Variants in FRY observed in about 807,000 individuals in gnomAD.
The protein encoded by FRY is FRY microtubule binding protein, also known as protein furry homolog.
A neutral mutation model predicts 348.4 loss-of-function variants in FRY; 128 were observed. The observed-to-expected ratio is 0.37, with a 90% CI of 0.32 to 0.43. FRY has a LOEUF of 0.43. Ranked by LOEUF, FRY falls within the 20% of genes least tolerant of loss-of-function variation. FRY has a pLI of 1.00. For missense variants in FRY, 2,736 were observed against 3,695.2 expected, an observed-to-expected ratio of 0.74 and a Z score of 6.73; for synonymous variants, 1,370 against 1,374.7, an observed-to-expected ratio of 1.00 and a Z score of 0.08.
chr13:32,115,014 G>A (rs546620351), intron 3 of FRY, among the ~76,000 whole-genome samples: 2 of 152,292 alleles, frequency 1.3e-5, no homozygotes, highest in African/African-American at 4.8e-5. Context: ...AGGGCAGGCT[G>A]AATGCAATAG....
intron 28 of FRY, among the ~76,000 whole-genome samples, chr13:32,189,898 C>G (rs1199120578): frequency 6.6e-6 from 1 of 151,814 alleles, no homozygotes; most frequent in Non-Finnish European, 1.5e-5. Flanking sequence ...AGATACAAAA[C>G]TTTAAATAAA....
Position 32,236,094 on chromosome 13 carries a change from C to T in FRY, c.5732C>T (p.Ala1911Val), listed in dbSNP as rs1445528075. Residue 1911 changes from alanine (A) to valine (V), a missense_variant, in exon 43 of 61, where the codon GCG becomes GTG. Ala to Val is a moderately conservative substitution (Grantham distance 64, BLOSUM62 0). Around this residue, in one of 9 missense-constraint regions of FRY, gnomAD observed 794 missense variants for 977.0 expected, o/e 0.81. Coordinates refer to ENST00000542859, the MANE Select transcript of FRY (RefSeq NM_023037.3). ...GDEIQGYVME[A>V]LLTLEAAVDN... ...GTTTGGCAGGGTTATGTAATGGAAG[C>T]GCTCCTAACCTTGGAGGCGGCTGTG... 5.6e-6 allele frequency: 9 copies of T among 1,612,954 alleles called. No homozygotes were observed. The highest frequency in any genetic ancestry group is 3.3e-5 in the South Asian group (3 of 91,050).
intron 2 of FRY, among the ~76,000 whole-genome samples, chr13:32,081,260 G>T (rs1184056659): frequency 6.6e-6 from 1 of 152,194 alleles, no homozygotes; most frequent in East Asian, 1.9e-4. Flanking sequence ...TCTTCTGGGT[G>T]TTGATGGCCA....
chr13:32,156,286 T>C (rs1199413344), intron 15 of FRY, among the ~76,000 whole-genome samples: 1 of 152,210 alleles, frequency 6.6e-6, no homozygotes, highest in Admixed American at 6.5e-5. Context: ...TATTTCTCTT[T>C]AGTTATGCAA....
intron 1 of FRY, among the ~76,000 whole-genome samples, chr13:32,056,930 A>G (rs1443117143): frequency 6.6e-6 from 1 of 152,178 alleles, no homozygotes; most frequent in Non-Finnish European, 1.5e-5. Context: ...AAGACCAATT[A>G]TGAAAAAAAT....
chr13:32,059,555 T>G (rs1442214815), intron 1 of FRY, among the ~76,000 whole-genome samples: 1 of 147,830 alleles, frequency 6.8e-6, no homozygotes, highest in Non-Finnish European at 1.5e-5. Context: ...CTTTTTTTTG[T>G]TATAGATTTA....
At chr13:32,226,702 G>A (rs750968853) in intron 39 of FRY, among the ~76,000 whole-genome samples, 3 of 152,060 alleles carry the variant, frequency 2.0e-5, no homozygotes, top group Admixed American at 6.5e-5. Context: ...GCTGTGGTGC[G>A]ACATTTCACA....
chr13:32,175,590 T>C lies in FRY; in HGVS notation c.2379T>C (p.Ser793=). The C allele has an allele frequency of 6.2e-7, 1 of 1,612,118 alleles. No individual in the cohort carries two copies. Among genetic ancestry groups the C allele is most frequent in the Non-Finnish European group, 8.5e-7 (1 of 1,178,150 alleles). ...PMIDVMDQLS[S]SILESFIHVA... ...TTGATGTCATGGATCAGCTAAGTTC[T>C]TCCATTCTAGAAAGTTTTATTCATG... The change falls in exon 20 of 61, where the codon TCT becomes TCC. Residue 793 remains serine (S), a synonymous_variant. Coordinates refer to ENST00000542859, the MANE Select transcript of FRY (RefSeq NM_023037.3).
At chr13:32,128,764 C>A (rs987319301) in intron 7 of FRY, among the ~76,000 whole-genome samples, 2 of 151,726 alleles carry the variant, frequency 1.3e-5, no homozygotes, top group Non-Finnish European at 2.9e-5. Context: ...ACAGATATTT[C>A]TTGTTATTGT....
chr13:32,154,380 G>T (rs137996616), intron 14 of FRY, among the ~76,000 whole-genome samples: 1 of 152,166 alleles, frequency 6.6e-6, no homozygotes, highest in Non-Finnish European at 1.5e-5. Context: ...AATCCTGGTT[G>T]AATTATGATA....
chr13:32,107,918 T>C (rs919723053), intron 3 of FRY, among the ~76,000 whole-genome samples: 2 of 152,212 alleles, frequency 1.3e-5, no homozygotes, highest in Non-Finnish European at 2.9e-5. Flanking sequence ...GTATATACTA[T>C]CACTATTTAT....
At chr13:32,293,575 G>A (rs1889483213) in intron 59 of FRY, among the ~76,000 whole-genome samples, 1 of 152,080 alleles carries the variant, frequency 6.6e-6, no homozygotes, top group Non-Finnish European at 1.5e-5. Context: ...TTTTTTTAAT[G>A]CTCTTGAGAT....
chr13:32,259,247 A>T (rs556993882), intron 51 of FRY, among the ~76,000 whole-genome samples: 21 of 152,346 alleles, frequency 1.4e-4, no homozygotes, highest in Non-Finnish European at 2.4e-4. Flanking sequence ...GTTGAGTTTT[A>T]ATCACCATGG....
At chr13:32,163,895 C>CT (rs60645307) in intron 17 of FRY, among the ~76,000 whole-genome samples, 5,630 of 151,790 alleles carry the variant, frequency 0.037, 120 homozygotes, top group South Asian at 0.053. Context: ...TTTCTTTTTT[C>CT]TTTTTTTTCT....
chr13:32,060,600 A>G (rs1873884385), intron 1 of FRY, among the ~76,000 whole-genome samples: 1 of 152,036 alleles, frequency 6.6e-6, no homozygotes, highest in South Asian at 2.1e-4. Context: ...ACAGTTTATC[A>G]CTCACCCTGT....
intron 1 of FRY, among the ~76,000 whole-genome samples, chr13:32,052,059 T>C (rs1031950044): frequency 1.3e-5 from 2 of 152,254 alleles, no homozygotes; most frequent in Non-Finnish European, 2.9e-5. Flanking sequence ...CAATCTGGTA[T>C]AGCAGGAAGA....
At chr13:32,156,601 C>CAAAA (rs60522324) in intron 15 of FRY, among the ~76,000 whole-genome samples, 1 of 112,412 alleles carries the variant, frequency 8.9e-6, no homozygotes, top group Non-Finnish European at 1.8e-5. Context: ...AGCTCCATCT[C>CAAAA]AAAAAAAAAA....
intron 2 of FRY, among the ~76,000 whole-genome samples, chr13:32,099,684 T>A (rs1398877387): frequency 6.6e-6 from 1 of 152,024 alleles, no homozygotes; most frequent in Non-Finnish European, 1.5e-5. Flanking sequence ...TGAAATGCAT[T>A]GAAAACAGAA....
Position 32,179,009 on chromosome 13 carries a change from T to C in FRY, c.2847T>C (p.Asp949=), listed in dbSNP as rs1398904513. Residue 949 remains aspartate (D), a synonymous_variant, in exon 22 of 61, where the codon GAT becomes GAC. Coordinates refer to ENST00000542859, the MANE Select transcript of FRY (RefSeq NM_023037.3). The part of the protein sequence containing the change: ...STPEIMATTP[D]GTVSYDNKAI... Reference sequence around the variant, plus strand: ...CAGAAATAATGGCGACCACACCTGATGGTACAGTGAGCTACGATAACAAGG... The same window carrying C: ...CAGAAATAATGGCGACCACACCTGACGGTACAGTGAGCTACGATAACAAGG... The C allele has an allele frequency of 1.2e-6, 2 of 1,613,680 alleles. No individual in the cohort carries two copies. Among genetic ancestry groups the C allele is most frequent in the South Asian group, 1.1e-5 (1 of 91,080 alleles).
Sources: allele counts gnomAD v4.1 joint callset (sites outside exome capture counted in the v4.1 genomes callset), GRCh38; gene constraint gnomAD v4.1.1; regional missense constraint gnomAD v4.1.1; transcripts MANE v1.5; gene names NCBI Gene and HGNC (gene_info 2026-07-23, HGNC 2026-07-21).